Variants in DMTN observed in about 807,000 individuals in gnomAD.
The protein encoded by DMTN is dematin actin binding protein.
In DMTN, 27 loss-of-function variants were observed where a neutral mutation model predicts 59.4. The observed-to-expected ratio is 0.45, with a 90% confidence interval of 0.33 to 0.63. DMTN has a LOEUF of 0.63. DMTN is among the 20% of genes least tolerant of loss of function. The probability of loss-of-function intolerance (pLI) is 0.02; values close to 1 mark genes in which losing one functional copy is unlikely to be tolerated. For synonymous variants in DMTN, 221 were observed against 203.7 expected (o/e 1.08, Z -0.72); for missense variants, 451 against 528.9 (o/e 0.85, Z 1.45).
At chr8:22,054,369 C>A (rs942192232), upstream of DMTN, among the ~76,000 whole-genome samples, 1 of 150,990 alleles carries the variant, frequency 6.6e-6, no homozygotes, top group African/African-American at 2.4e-5. Flanking sequence ...AGAGAGCTGT[C>A]CCTTGCTCTG....
rs748478151 is a variant in DMTN, at chr8:22,080,599, T to A, written c.950-19T>A. ...TGACCTCAGAGCTGCATCTGACCCATGCCCCTTCTCTCCCGCAGGCCTGCA... is the reference window on the plus strand; with the variant it reads ...TGACCTCAGAGCTGCATCTGACCCAAGCCCCTTCTCTCCCGCAGGCCTGCA... On this transcript the variant is annotated intron_variant, in intron 12 of 15. Transcript: ENST00000358242. 3 of 1,610,548 alleles carry A rather than the reference T, an allele frequency of 1.9e-6. No homozygotes were observed. The Admixed American group carries it at 5.1e-5, about 27-fold the overall frequency.
chr8:22,060,673 C>T lies in DMTN; in HGVS notation c.-172+3537C>T, dbSNP rs930916466. ...CAGGGGGTGGCACCAGGGTGCAGGG[C>T]CCTGGCTGACCCCAGGAAGCAGACC... On this transcript the variant is annotated intron_variant, in intron 1 of 15. Coordinates refer to ENST00000358242, the MANE Select transcript of DMTN (RefSeq NM_001387751.1). The surrounding 1 kb of genome is among the most constrained non-coding windows in gnomAD (Gnocchi z 5.0). 6.6e-6 allele frequency among the ~76,000 whole-genome samples: 1 copy of T among 152,222 alleles called. No homozygotes were observed. Among genetic ancestry groups the T allele is most frequent in the Non-Finnish European group, 1.5e-5 (1 of 68,044 alleles).
chr8:22,063,885 G>A (rs6999097), intron 1 of DMTN, among the ~76,000 whole-genome samples: 4,524 of 152,238 alleles, frequency 0.03, 69 homozygotes, highest in Middle Eastern at 0.037. Context: ...CCTTATTTCT[G>A]GAGGAGCAGC....
At chr8:22,051,275 T>C (rs2129780839), upstream of DMTN, among the ~76,000 whole-genome samples, 1 of 152,186 alleles carries the variant, frequency 6.6e-6, no homozygotes, top group Non-Finnish European at 1.5e-5. Flanking sequence ...TAAGAATGGC[T>C]CACAAATTTA....
At chr8:22,066,015 A>C (rs7825083) in intron 1 of DMTN, among the ~76,000 whole-genome samples, 3,023 of 151,536 alleles carry the variant, frequency 0.02, 97 homozygotes, top group African/African-American at 0.068. Context: ...TAATTTTTAA[A>C]ATTTTTTCTG....
rs900776 is a variant in DMTN at position 22,060,578 on chromosome 8, A to C, written c.-172+3442A>C. Among the ~76,000 whole-genome samples, 40,187 of 152,248 alleles carry C rather than the reference A, an allele frequency of 0.26. 7,086 individuals carry two copies. Among genetic ancestry groups the C allele is most frequent in the African/African-American group, 0.5 (20,937 of 41,538 alleles). ...GCCCACGTTTACGTGCAAATGCCCC[A>C]CAAGGGGTAAGACAAAATTTCTGCC... On this transcript the variant is annotated intron_variant, in intron 1 of 15. Transcript: ENST00000358242. This position sits in a 1 kb window ranked among gnomAD's most constrained non-coding sequence, Gnocchi z 5.0.
chr8:22,069,639 C>T, intron 6 of DMTN, 121 bp downstream of exon 6: 1 of 923,550 alleles, frequency 1.1e-6, no homozygotes, highest in Non-Finnish European at 1.6e-6. Context: ...TAAGTAGGCC[C>T]CAGGAGGCCA....
At chr8:22,069,645 G>A in intron 6 of DMTN, 127 bp downstream of exon 6, 2 of 921,776 alleles carry the variant, frequency 2.2e-6, no homozygotes, top group Non-Finnish European at 3.3e-6. Flanking sequence ...GGCCCCAGGA[G>A]GCCAGGACCC....
intron 4 of DMTN, among the ~76,000 whole-genome samples, chr8:22,068,688 G>A (rs1812732766): frequency 6.6e-6 from 1 of 151,634 alleles, no homozygotes; most frequent in South Asian, 2.1e-4. Context: ...AAAGGACAAA[G>A]GAAGTAGGAA....
In DMTN at chr8:22,067,121, C is replaced by A. The variant is rs766150554; in HGVS notation, c.55C>A (p.Arg19=). ...LTSPGSVSPS[R]DSSVPGSPSS... ...CTCCCCCGGGAGCGTGAGCCCCTCC[C>A]GAGATTCCAGTGTGCCTGGCTCTCC... The change falls in exon 3 of 16, where the codon CGA becomes AGA. Residue 19 remains arginine, a synonymous_variant. Coordinates refer to ENST00000358242, the MANE Select transcript of DMTN (RefSeq NM_001387751.1). The A allele has an allele frequency of 5.0e-6, 8 of 1,608,594 alleles. No homozygotes were observed. Among genetic ancestry groups the A allele is most frequent in the Non-Finnish European group, 6.8e-6 (8 of 1,177,840 alleles).
intron 4 of DMTN, among the ~76,000 whole-genome samples, chr8:22,068,661 G>A (rs573212665): frequency 6.6e-6 from 1 of 151,018 alleles, no homozygotes; most frequent in South Asian, 2.1e-4. Flanking sequence ...AAGGGAGGAA[G>A]GCAGGGAAAG....
chr8:22,065,651 T>C lies in DMTN; in HGVS notation c.-171-1054T>C, dbSNP rs377237652. Among the ~76,000 whole-genome samples the C allele has an allele frequency of 4.9e-4, 75 of 152,072 alleles. No homozygotes were observed. In the South Asian group the frequency reaches 0.015, roughly 31 times the overall value. Reference sequence around the variant, plus strand: ...TGAGGTCAGGAGTTCAGGACCAGCCTGGCCGATATGGTGAAACCCCATCGC... The same window carrying C: ...TGAGGTCAGGAGTTCAGGACCAGCCCGGCCGATATGGTGAAACCCCATCGC... On this transcript the variant is annotated intron_variant, in intron 1 of 15. Transcript: ENST00000358242.
At chr8:22,056,078 G>T (rs1802448079), upstream of DMTN, among the ~76,000 whole-genome samples, 2 of 152,224 alleles carry the variant, frequency 1.3e-5, no homozygotes, top group Admixed American at 1.3e-4. Flanking sequence ...GGCTCCTGGG[G>T]TGGTTGAGGC....
In DMTN at chr8:22,060,630, A is replaced by G. The variant is rs972553224; in HGVS notation, c.-172+3494A>G. On this transcript the variant is annotated intron_variant, in intron 1 of 15. Transcript: ENST00000358242. This position sits in a 1 kb window ranked among gnomAD's most constrained non-coding sequence, Gnocchi z 5.0. ...CTGTGGAAATAATTTATCAACCAACATGCTCTCTAACAAATGGCAGGGGGT... is the reference window on the plus strand; with the variant it reads ...CTGTGGAAATAATTTATCAACCAACGTGCTCTCTAACAAATGGCAGGGGGT... 6.6e-6 allele frequency among the ~76,000 whole-genome samples: 1 copy of G among 152,210 alleles called. No individual in the cohort carries two copies. The highest frequency in any genetic ancestry group is 2.4e-5 in the African/African-American group (1 of 41,462).
chr8:22,074,491 G>A (rs1249296043), intron 10 of DMTN, among the ~76,000 whole-genome samples: 1 of 152,172 alleles, frequency 6.6e-6, no homozygotes, highest in East Asian at 1.9e-4. Context: ...CCCAGACTGG[G>A]CTCGAACTCC....
At position 22,069,223 on chromosome 8, in the gene DMTN, C is replaced by T. The variant is rs574995449; in HGVS notation, c.294+163C>T. ...GCTCTGTGTCCATCATTCTGTCGGA[C>T]CCAGGACCTCAACCCTTTCTCCCTG... On this transcript the variant is annotated intron_variant, in intron 5 of 15. Transcript: ENST00000358242. 18 of 934,090 alleles carry T rather than the reference C, an allele frequency of 1.9e-5. No homozygotes were observed. The African/African-American group carries it at 2.9e-4, about 15-fold the overall frequency. 57.9% of individuals were successfully genotyped at this position (934,090 alleles called of 1,614,324 possible). A position where few individuals can be genotyped will look rare whatever the true frequency, so the allele number is the denominator to read the frequency against.
At chr8:22,073,649 AAAAGAAAGAAAAAAAAAAAGAG>A in intron 9 of DMTN, 59 bp from the exon 10 acceptor site, 2 of 768,006 alleles carry the variant, frequency 2.6e-6, no homozygotes, top group Admixed American at 4.2e-5. Flanking sequence ...AAAAAAAAAA[AAAAGAAAGAAAAAAAAAAAGAG>A]AAAAAAGAAA....
At chr8:22,054,247 A>G (rs1489217522), upstream of DMTN, among the ~76,000 whole-genome samples, 2 of 151,730 alleles carry the variant, frequency 1.3e-5, no homozygotes, top group Admixed American at 6.6e-5. Flanking sequence ...TGGGCTGAGC[A>G]CTCTTCCTGC....
At chr8:22,049,502 TA>T (rs547348916), upstream of DMTN, among the ~76,000 whole-genome samples, 25 of 150,924 alleles carry the variant, frequency 1.7e-4, no homozygotes, top group African/African-American at 5.9e-4. Flanking sequence ...TCGGGGGCCA[TA>T]AAACCCGCCT....
Sources: gnomAD v4.1 joint callset for allele counts (sites outside exome capture counted in the v4.1 genomes callset) on GRCh38, gnomAD v4.1.1 for gene constraint, Gnocchi (gnomAD v3.1) non-coding constraint, MANE v1.5 for transcripts, NCBI Gene and HGNC (gene_info 2026-07-23, HGNC 2026-07-21) for gene names.